MGST2: variants seen among roughly 807,000 people sequenced by gnomAD.
MGST2 encodes glutathione peroxidase MGST2.
In MGST2, 9 loss-of-function variants were observed where a neutral mutation model predicts 16.6. The observed-to-expected ratio is 0.54, with a 90% confidence interval of 0.33 to 0.95. MGST2 has a LOEUF of 0.95. Among genes scored for constraint, MGST2 ranks in the 40% least tolerant of loss-of-function variants. The pLI is 0.03. For synonymous variants in MGST2, 79 were observed against 68.0 expected (o/e 1.16, Z -0.79); for missense variants, 159 against 175.1 (o/e 0.91, Z 0.52).
At chr4:139,725,761 A>G (rs1728445204) in intron 5 of MGST2, 1 of 1,613,818 alleles carries the variant, frequency 6.2e-7, no homozygotes, top group African/African-American at 1.3e-5. Flanking sequence ...CTTGAAACTG[A>G]TTGACCTGCT....
intron 5 of MGST2, among the ~76,000 whole-genome samples, chr4:139,720,896 T>G (rs1459243171): frequency 2.6e-5 from 4 of 152,216 alleles, no homozygotes; most frequent in African/African-American, 9.6e-5. Flanking sequence ...CTAATTTCCC[T>G]TAAGACTTGA....
chr4:139,751,106 G>C, the MGST2 span, among the ~76,000 whole-genome samples: 1 of 152,218 alleles, frequency 6.6e-6, no homozygotes, highest in African/African-American at 2.4e-5. Context: ...GAAAGATGGG[G>C]TGAGTAGTCA....
At chr4:139,734,674 A>C (rs1560775263) in intron 5 of MGST2, among the ~76,000 whole-genome samples, 1 of 152,256 alleles carries the variant, frequency 6.6e-6, no homozygotes, top group African/African-American at 2.4e-5. Flanking sequence ...GACTTCAAAA[A>C]ACAGTTGTGG....
chr4:139,694,617 G>T (rs924339734), intron 2 of MGST2, among the ~76,000 whole-genome samples: 2 of 152,048 alleles, frequency 1.3e-5, no homozygotes, highest in African/African-American at 4.8e-5. Context: ...ATGAATAGAG[G>T]CAATATGACT....
At chr4:139,707,273 T>C (rs1727557261), downstream of MGST2, among the ~76,000 whole-genome samples, 1 of 151,988 alleles carries the variant, frequency 6.6e-6, no homozygotes, top group Admixed American at 6.6e-5. Context: ...CATTGTTCAA[T>C]TCCCACCTAT....
Position 139,711,712 on chromosome 4 carries a change from C to T in MGST2, c.*48+7516C>T, listed in dbSNP as rs184836144. Among the ~76,000 whole-genome samples, 262 of 152,304 alleles carry T rather than the reference C, an allele frequency of 1.7e-3. 2 individuals carry two copies. Among genetic ancestry groups the T allele is most frequent in the African/African-American group, 5.7e-3 (238 of 41,578 alleles). Reference sequence around the variant, plus strand: ...TATCTCATCCTGTGACTTAGAATGCCTTAACTGTCTGGGAATGTAGCCCAG... The same window carrying T: ...TATCTCATCCTGTGACTTAGAATGCTTTAACTGTCTGGGAATGTAGCCCAG... On this transcript the variant is annotated intron_variant, in intron 5 of 5. Transcript: ENST00000616265.
At chr4:139,678,951 A>G (rs193206973) in intron 2 of MGST2, 258 of 444,118 alleles carry the variant, frequency 5.8e-4, no homozygotes, top group Non-Finnish European at 8.7e-4. Context: ...GAGCCTTGTG[A>G]GACCACAATA....
chr4:139,684,542 A>G (rs887373127), intron 2 of MGST2, among the ~76,000 whole-genome samples: 1 of 152,194 alleles, frequency 6.6e-6, no homozygotes, highest in Admixed American at 6.5e-5. Context: ...GGCATTAGAG[A>G]GTGACGTGGA....
the MGST2 span, among the ~76,000 whole-genome samples, chr4:139,751,885 T>G: frequency 6.6e-6 from 1 of 152,222 alleles, no homozygotes; most frequent in African/African-American, 2.4e-5. Flanking sequence ...GGTTACAGTA[T>G]AGCTCCTTTT....
At chr4:139,697,321 G>A (rs368437427) in intron 3 of MGST2, among the ~76,000 whole-genome samples, 21 of 151,688 alleles carry the variant, frequency 1.4e-4, no homozygotes, top group African/African-American at 4.6e-4. Flanking sequence ...TTTCTCCCCC[G>A]GGACAGGGCA....
chr4:139,724,523 T>C (rs1728387837), intron 5 of MGST2, among the ~76,000 whole-genome samples: 1 of 152,232 alleles, frequency 6.6e-6, no homozygotes, highest in Admixed American at 6.5e-5. Context: ...TGAAATTATA[T>C]AAAAGTTTGT....
rs1202163581 is a variant in MGST2 at position 139,691,691 on chromosome 4, G to GATTATTATTATT, written c.159-3504_159-3503insTATTATTATTAT. ...AGATGATGATGATGATGATGATGAT[G>GATTATTATTATT]ATGATGATTATTATTATTATTATTT... On this transcript the variant is annotated intron_variant, in intron 2 of 4. Coordinates refer to ENST00000265498, the MANE Select transcript of MGST2 (RefSeq NM_002413.5). 1.6e-3 allele frequency among the ~76,000 whole-genome samples: 204 copies of GATTATTATTATT among 129,994 alleles called. 2 individuals are homozygous for GATTATTATTATT. Among genetic ancestry groups the GATTATTATTATT allele is most frequent in the African/African-American group, 7.0e-3 (199 of 28,272 alleles). The allele number at this position is 129,994 out of a possible 152,430, so 85.3% of individuals were successfully genotyped here. A position where few individuals can be genotyped will look rare whatever the true frequency, so the allele number is the denominator to read the frequency against.
intron 3 of MGST2, among the ~76,000 whole-genome samples, chr4:139,700,127 C>CTTTTTTTTTTTTTT (rs56662682): frequency 6.0e-5 from 5 of 82,970 alleles, no homozygotes; most frequent in Admixed American, 1.6e-4. Flanking sequence ...TTTGGTTTTG[C>CTTTTTTTTTTTTTT]TTTTTTTTTT....
chr4:139,712,278 C>T (rs1010275723), intron 5 of MGST2, among the ~76,000 whole-genome samples: 2 of 152,130 alleles, frequency 1.3e-5, no homozygotes, highest in Non-Finnish European at 2.9e-5. Flanking sequence ...TTCCTCTGAG[C>T]AGCAGTTAGA....
At chr4:139,666,153 AGAGG>A (rs1261904654) in intron 1 of MGST2, 76 bp downstream of exon 1, 31 of 1,453,778 alleles carry the variant, frequency 2.1e-5, no homozygotes, top group Non-Finnish European at 2.5e-5. Context: ...TGCGGGAGAG[AGAGG>A]GAGGGAGGGA....
chr4:139,675,489 A>C (rs1730911877), intron 1 of MGST2, among the ~76,000 whole-genome samples: 1 of 152,236 alleles, frequency 6.6e-6, no homozygotes, highest in South Asian at 2.1e-4. Context: ...AAAGGAGAAG[A>C]AAGTCATACT....
At chr4:139,683,229 C>G (rs1731357250) in intron 2 of MGST2, among the ~76,000 whole-genome samples, 1 of 152,152 alleles carries the variant, frequency 6.6e-6, no homozygotes, top group Non-Finnish European at 1.5e-5. Flanking sequence ...AGGGAGATAG[C>G]AGTGAAATGA....
intron 5 of MGST2, among the ~76,000 whole-genome samples, chr4:139,712,007 AT>A (rs1727761928): frequency 6.6e-6 from 1 of 152,246 alleles, no homozygotes; most frequent in African/African-American, 2.4e-5. Flanking sequence ...ACAAGAGGTG[AT>A]ATCTGGAAGA....
intron 3 of MGST2, among the ~76,000 whole-genome samples, chr4:139,695,883 C>T (rs916685495): frequency 5.3e-5 from 8 of 152,214 alleles, no homozygotes; most frequent in Middle Eastern, 3.4e-3. Flanking sequence ...GCTGACCCCC[C>T]GCCCCACACA....
Sources: gnomAD v4.1 joint callset for allele counts (sites outside exome capture counted in the v4.1 genomes callset) on GRCh38, gnomAD v4.1.1 for gene constraint, MANE v1.5 for transcripts, NCBI Gene and HGNC (gene_info 2026-07-23, HGNC 2026-07-21) for gene names.